The following SLC38A12 variants were observed in gnomAD, a reference collection of about 807,000 sequenced individuals.
SLC38A12 encodes the protein solute carrier family 38 member 12.
chr17:74,797,455 C>G, the SLC38A12 span, among the ~76,000 whole-genome samples: 2 of 152,218 alleles, frequency 1.3e-5, no homozygotes, highest in Non-Finnish European at 2.9e-5. Flanking sequence ...CCCACGAGAG[C>G]CTTTTCTTTC....
chr17:74,834,439 C>A, the SLC38A12 span, among the ~76,000 whole-genome samples: 1 of 152,158 alleles, frequency 6.6e-6, no homozygotes. Flanking sequence ...TCCTCCCCTC[C>A]TGTCCCCGAC....
chr17:74,816,415 G>A, the SLC38A12 span, among the ~76,000 whole-genome samples: 1 of 152,220 alleles, frequency 6.6e-6, no homozygotes, highest in Admixed American at 6.5e-5. Flanking sequence ...AGGACAGGCA[G>A]CCCTGTTGAG....
chr17:74,802,600 A>G, the SLC38A12 span, among the ~76,000 whole-genome samples: 13 of 152,348 alleles, frequency 8.5e-5, no homozygotes, highest in African/African-American at 3.1e-4. Flanking sequence ...ATTTGGGACC[A>G]GAAGCGTTTC....
At chr17:74,833,046 T>G in the SLC38A12 span, among the ~76,000 whole-genome samples, 1 of 151,328 alleles carries the variant, frequency 6.6e-6, no homozygotes. Flanking sequence ...GTTTTGATGG[T>G]GGAGTCTTGC....
At chr17:74,814,992 C>A in the SLC38A12 span, among the ~76,000 whole-genome samples, 1 of 152,144 alleles carries the variant, frequency 6.6e-6, no homozygotes, top group African/African-American at 2.4e-5. Context: ...GGCACTTGAG[C>A]AGGGCTCAGA....
chr17:74,820,273 A>G, the SLC38A12 span, among the ~76,000 whole-genome samples: 2 of 152,334 alleles, frequency 1.3e-5, no homozygotes, highest in African/African-American at 2.4e-5. Context: ...GCTATGTGGC[A>G]TAACCATAAA....
At chr17:74,808,204 G>A in the SLC38A12 span, among the ~76,000 whole-genome samples, 6 of 152,272 alleles carry the variant, frequency 3.9e-5, no homozygotes, top group Non-Finnish European at 8.8e-5. Context: ...GTCCTGCCCT[G>A]AAGGCGCCAG....
chr17:74,787,824 C>A, the SLC38A12 span, among the ~76,000 whole-genome samples: 2 of 148,746 alleles, frequency 1.3e-5, no homozygotes, highest in Admixed American at 6.7e-5. Context: ...GACAGAATCT[C>A]GCTCTGTCAC....
the SLC38A12 span, among the ~76,000 whole-genome samples, chr17:74,809,084 C>G: frequency 6.6e-6 from 1 of 152,130 alleles, no homozygotes; most frequent in South Asian, 2.1e-4. Context: ...TCCCAGAGCT[C>G]CGGTAAAGAT....
the SLC38A12 span, among the ~76,000 whole-genome samples, chr17:74,781,127 C>T: frequency 6.6e-6 from 1 of 152,144 alleles, no homozygotes; most frequent in African/African-American, 2.4e-5. Context: ...GACAGGTCCC[C>T]ATCATGAAAA....
the SLC38A12 span, among the ~76,000 whole-genome samples, chr17:74,806,059 A>G: frequency 6.6e-6 from 1 of 152,194 alleles, no homozygotes. Flanking sequence ...TGTTCTGAGC[A>G]GTTCAATTCC....
At chr17:74,828,761 C>G in the SLC38A12 span, among the ~76,000 whole-genome samples, 2 of 152,176 alleles carry the variant, frequency 1.3e-5, no homozygotes, top group Non-Finnish European at 2.9e-5. Context: ...ATTGGTGCAG[C>G]GTCTCAGCTC....
the SLC38A12 span, among the ~76,000 whole-genome samples, chr17:74,787,430 GGCTAACAAGGT>G: frequency 8.6e-5 from 13 of 151,044 alleles, no homozygotes; most frequent in African/African-American, 3.2e-4. Context: ...AGACCATCCT[GGCTAACAAGGT>G]GAAACCCCGT....
chr17:74,833,504 A>G, the SLC38A12 span, among the ~76,000 whole-genome samples: 1 of 152,236 alleles, frequency 6.6e-6, no homozygotes, highest in Non-Finnish European at 1.5e-5. Flanking sequence ...TTTATTTACC[A>G]TGAGGAAATC....
chr17:74,808,147 G>A, the SLC38A12 span, among the ~76,000 whole-genome samples: 3 of 152,264 alleles, frequency 2.0e-5, no homozygotes, highest in African/African-American at 7.2e-5. Flanking sequence ...CAGGCAGGCA[G>A]CTTGTCCTCC....
the SLC38A12 span, chr17:74,819,890 C>T: frequency 1.3e-6 from 2 of 1,543,994 alleles, no homozygotes; most frequent in Admixed American, 1.7e-5. Flanking sequence ...TCCTCTCGTC[C>T]CTTCCCTCTC....
the SLC38A12 span, among the ~76,000 whole-genome samples, chr17:74,802,065 C>G: frequency 6.6e-6 from 1 of 152,142 alleles, no homozygotes; most frequent in Non-Finnish European, 1.5e-5. Flanking sequence ...TCCAGCCTGT[C>G]CCTTCACCTT....
At chr17:74,779,885 G>A in the SLC38A12 span, among the ~76,000 whole-genome samples, 3 of 152,214 alleles carry the variant, frequency 2.0e-5, no homozygotes, top group Admixed American at 1.3e-4. Context: ...TTTGTAACAA[G>A]CAGACGAACC....
the SLC38A12 span, among the ~76,000 whole-genome samples, chr17:74,799,409 A>G: frequency 6.6e-6 from 1 of 152,246 alleles, no homozygotes; most frequent in Non-Finnish European, 1.5e-5. Context: ...GGACAGGACA[A>G]GGTCGCCCTG....
Sources: allele counts gnomAD v4.1 joint callset (sites outside exome capture counted in the v4.1 genomes callset), GRCh38; gene constraint gnomAD v4.1.1; transcripts MANE v1.5; gene names NCBI Gene and HGNC (gene_info 2026-07-23, HGNC 2026-07-21).